Variants in NALF1 observed in about 807,000 individuals in gnomAD.
NALF1 encodes the protein NALCN channel auxiliary factor 1.
A neutral mutation model predicts 48.4 loss-of-function variants in NALF1; 3 were observed. The observed-to-expected ratio is 0.06, with a 90% CI of 0.03 to 0.16. The LOEUF (loss-of-function observed/expected upper bound fraction) is 0.16, where lower values mean the gene tolerates loss of function less well. Ranked by LOEUF, NALF1 falls within the 10% of genes least tolerant of loss-of-function variation. The pLI, the probability that NALF1 is intolerant of heterozygous loss-of-function variation, is 1.00. For missense variants in NALF1, 526 were observed against 571.5 expected, an observed-to-expected ratio of 0.92 and a Z score of 0.81; for synonymous variants, 262 against 245.7, an observed-to-expected ratio of 1.07 and a Z score of -0.62.
At chr13:107,644,846 C>T (rs970700529) in intron 1 of NALF1, among the ~76,000 whole-genome samples, 6 of 151,620 alleles carry the variant, frequency 4.0e-5, no homozygotes, top group Non-Finnish European at 5.9e-5. Context: ...ATGATCCTTG[C>T]CTCATACTGC....
chr13:107,296,264 A>T (rs942167612), intron 1 of NALF1, among the ~76,000 whole-genome samples: 1 of 152,244 alleles, frequency 6.6e-6, no homozygotes, highest in African/African-American at 2.4e-5. Flanking sequence ...TTAATCCGTG[A>T]TAGTGTTTAT....
chr13:107,710,806 C>T (rs1464759695), intron 1 of NALF1, among the ~76,000 whole-genome samples: 2 of 91,558 alleles, frequency 2.2e-5, no homozygotes, highest in Non-Finnish European at 4.5e-5. Flanking sequence ...TGTATATATA[C>T]ATATATGTGT....
chr13:107,349,598 A>C (rs1882834391), intron 1 of NALF1, among the ~76,000 whole-genome samples: 1 of 151,998 alleles, frequency 6.6e-6, no homozygotes, highest in Non-Finnish European at 1.5e-5. Context: ...AAAATTAGCC[A>C]GGCATGGTGG....
At chr13:107,382,633 G>GT (rs1436823576) in intron 1 of NALF1, among the ~76,000 whole-genome samples, 1 of 152,118 alleles carries the variant, frequency 6.6e-6, no homozygotes, top group East Asian at 1.9e-4. Context: ...GATCCCACAT[G>GT]TTTTTTCTTC....
Position 107,719,511 on chromosome 13 carries a change from AT to A in NALF1, c.915+146170del, listed in dbSNP as rs370423499. ...CTTTGTAAAGAAATTCCCAAAATTT[AT>A]TTATCCTTTCCTGACTTCATCCTCA... On this transcript the variant is annotated intron_variant, in intron 1 of 2. Transcript: ENST00000375915. Among the ~76,000 whole-genome samples the A allele has an allele frequency of 8.2e-4, 125 of 152,166 alleles. 1 individual carries two copies. The Middle Eastern group carries it at 0.01, about 12-fold the overall frequency.
At chr13:107,799,963 GA>G (rs1041138308) in intron 1 of NALF1, among the ~76,000 whole-genome samples, 6 of 151,892 alleles carry the variant, frequency 4.0e-5, no homozygotes, top group African/African-American at 9.7e-5. Flanking sequence ...GCTGGAAAAA[GA>G]AAAAAATATT....
chr13:107,473,019 C>T (rs957173662), intron 1 of NALF1, among the ~76,000 whole-genome samples: 1 of 152,200 alleles, frequency 6.6e-6, no homozygotes, highest in African/African-American at 2.4e-5. Context: ...CACTTTCCCA[C>T]TTTTCCTGAA....
At chr13:107,285,942 C>A (rs1594104393) in intron 1 of NALF1, among the ~76,000 whole-genome samples, 1 of 152,154 alleles carries the variant, frequency 6.6e-6, no homozygotes, top group East Asian at 1.9e-4. Flanking sequence ...TATATGCATT[C>A]TGGGAGTCCA....
At chr13:107,390,618 T>C (rs1208541451) in intron 1 of NALF1, among the ~76,000 whole-genome samples, 1 of 151,994 alleles carries the variant, frequency 6.6e-6, no homozygotes. Flanking sequence ...AGCCCAGTGG[T>C]ATTTTACTTG....
At chr13:107,506,401 T>C (rs1594100080) in intron 1 of NALF1, among the ~76,000 whole-genome samples, 1 of 152,164 alleles carries the variant, frequency 6.6e-6, no homozygotes, top group Non-Finnish European at 1.5e-5. Flanking sequence ...AATAGCATAA[T>C]TGAGATATAA....
intron 1 of NALF1, among the ~76,000 whole-genome samples, chr13:107,736,438 A>G (rs1410716353): frequency 6.6e-6 from 1 of 152,196 alleles, no homozygotes; most frequent in East Asian, 1.9e-4. Flanking sequence ...AAGATGCTGC[A>G]ACTCAGTAGG....
At chr13:107,394,980 A>C (rs935676620) in intron 1 of NALF1, among the ~76,000 whole-genome samples, 1 of 152,202 alleles carries the variant, frequency 6.6e-6, no homozygotes, top group Non-Finnish European at 1.5e-5. Context: ...ATCCTGCTTC[A>C]TTAAATCAAA....
In NALF1 at chr13:107,639,126, T is replaced by G. The variant is rs551589067; in HGVS notation, c.915+226556A>C. ...AAAAAAAGCTGCTCCTATGAAGAGA[T>G]AATTTACTTAATATAAGGTATTTAT... On this transcript the variant is annotated intron_variant, in intron 1 of 2. Transcript: ENST00000375915. Among the ~76,000 whole-genome samples, 5 of 152,316 alleles carry G rather than the reference T, an allele frequency of 3.3e-5. No homozygotes were observed. The South Asian group carries it at 8.3e-4, about 25-fold the overall frequency.
At chr13:107,337,089 AAG>A (rs1316999051) in intron 1 of NALF1, among the ~76,000 whole-genome samples, 5 of 147,484 alleles carry the variant, frequency 3.4e-5, no homozygotes, top group African/African-American at 1.0e-4. Context: ...GTCAGAAGAA[AAG>A]AGACTCTTTA....
intron 2 of NALF1, among the ~76,000 whole-genome samples, chr13:107,185,255 C>T (rs1566444529): frequency 6.6e-6 from 1 of 152,158 alleles, no homozygotes; most frequent in Non-Finnish European, 1.5e-5. Context: ...TACATGTCTA[C>T]TTGGTTAATC....
At chr13:107,657,496 C>T (rs1395587943) in intron 1 of NALF1, among the ~76,000 whole-genome samples, 3 of 152,038 alleles carry the variant, frequency 2.0e-5, no homozygotes, top group African/African-American at 7.3e-5. Context: ...ATTTGGGGAA[C>T]AAACAGCCTG....
chr13:107,384,999 G>C (rs1055572834), intron 1 of NALF1, among the ~76,000 whole-genome samples: 1 of 152,146 alleles, frequency 6.6e-6, no homozygotes, highest in African/African-American at 2.4e-5. Context: ...TACAGAAAGT[G>C]GGTGGCAATA....
chr13:107,245,906 G>A (rs901175208), intron 1 of NALF1, among the ~76,000 whole-genome samples: 2 of 151,984 alleles, frequency 1.3e-5, no homozygotes, highest in African/African-American at 4.8e-5. Context: ...AGTGTGCATG[G>A]TTCCTCCTGA....
At chr13:107,521,628 G>C (rs1180952649) in intron 1 of NALF1, among the ~76,000 whole-genome samples, 1 of 152,018 alleles carries the variant, frequency 6.6e-6, no homozygotes, top group Non-Finnish European at 1.5e-5. Flanking sequence ...ATTATGCTTT[G>C]CTTTTGTCTT....
Sources: allele counts gnomAD v4.1 joint callset (sites outside exome capture counted in the v4.1 genomes callset), GRCh38; gene constraint gnomAD v4.1.1; transcripts MANE v1.5; gene names NCBI Gene and HGNC (gene_info 2026-07-23, HGNC 2026-07-21).